AASDH: variants seen among roughly 807,000 people sequenced by gnomAD.
The protein encoded by AASDH is beta-alanine-activating enzyme.
Under a neutral mutation model 102.3 loss-of-function variants are expected in AASDH, and 81 were observed. The observed-to-expected ratio is 0.79, with a 90% CI of 0.66 to 0.95. The LOEUF is 0.95. AASDH is among the 40% of genes least tolerant of loss of function. The pLI, the probability that AASDH is intolerant of heterozygous loss-of-function variation, is 0.00. For synonymous variants in AASDH, 398 were observed against 454.0 expected, an observed-to-expected ratio of 0.88 and a Z score of 1.57; for missense variants, 1,203 against 1,266.2, an observed-to-expected ratio of 0.95 and a Z score of 0.76.
At chr4:56,343,070 C>T in intron 13 of AASDH, 104 bp from the exon 14 acceptor site, 1 of 1,165,436 alleles carries the variant, frequency 8.6e-7, no homozygotes, top group Non-Finnish European at 1.1e-6. Context: ...ACTAAAATAG[C>T]AGAAAATGCT....
At position 56,338,678 on chromosome 4, in the gene AASDH, T is replaced by G. The variant is rs372355217; in HGVS notation, c.3021A>C (p.Lys1007Asn). 6.2e-7 allele frequency: 1 copy of G among 1,614,240 alleles called. No individual in the cohort carries two copies. Among genetic ancestry groups the G allele is most frequent in the Non-Finnish European group, 8.5e-7 (1 of 1,180,040 alleles). The part of the protein sequence containing the change: ...HDCFIYCCNM[K>N]GHLQWKFETT... The stretch of plus-strand genomic sequence containing the variant: ...TTTCAAATTTCCACTGCAGGTGACC[T>G]TTCATGTTACAACAGTAGATAAAGC... Residue 1007 changes from lysine to asparagine, a missense_variant, in exon 15 of 15, where the codon AAA (lysine) becomes AAC (asparagine). Lys to Asn is a moderately conservative substitution (Grantham distance 94, BLOSUM62 0). Coordinates refer to ENST00000205214, the MANE Select transcript of AASDH (RefSeq NM_181806.4).
Position 56,338,751 on chromosome 4 carries a change from G to C in AASDH, c.2948C>G (p.Pro983Arg), listed in dbSNP as rs746925401. Residue 983 changes from proline to arginine, a missense_variant, in exon 15 of 15, where the codon CCG becomes CGG. By Grantham distance (103) the Pro-to-Arg change is moderately radical. Coordinates refer to ENST00000205214, the MANE Select transcript of AASDH (RefSeq NM_181806.4). ...FSTSGPIFSS[P>R]CTSPSEQKIF... ...TTTTTGCTCTGATGGTGAGGTACAC[G>C]GGGATGAAAAGATTGGTCCACTGGT... 1.2e-6 allele frequency: 2 copies of C among 1,613,994 alleles called. No individual in the cohort carries two copies. The highest frequency in any genetic ancestry group is 3.3e-5 in the Admixed American group (2 of 60,004).
At chr4:56,354,679 T>C in intron 7 of AASDH, 26 bp downstream of exon 7, 1 of 1,520,032 alleles carries the variant, frequency 6.6e-7, no homozygotes, top group Non-Finnish European at 8.9e-7. Flanking sequence ...GAAAAAAAAA[T>C]TCCCAATCAA....
In AASDH at chr4:56,349,379, G is replaced by C. The variant is rs1282708808; in HGVS notation, c.2372C>G (p.Ser791Cys). The change falls in exon 11 of 15, where the codon TCT becomes TGT. Residue 791 changes from serine to cysteine, a missense_variant. Coordinates refer to ENST00000205214, the MANE Select transcript of AASDH (RefSeq NM_181806.4). ...SSTTVYIGSH[S>C]HRMKAVDFYS... Reference sequence around the variant, plus strand: ...AAAGTCAACTGCCTTCATTCTATGAGAATGGGAACCAATGTACACAGTTGT... The same window carrying C: ...AAAGTCAACTGCCTTCATTCTATGACAATGGGAACCAATGTACACAGTTGT... 6.2e-7 allele frequency: 1 copy of C among 1,613,966 alleles called. No homozygotes were observed. The highest frequency in any genetic ancestry group is 2.2e-5 in the East Asian group (1 of 44,886).
At chr4:56,347,341 G>A (rs765028745) in intron 11 of AASDH, among the ~76,000 whole-genome samples, 2 of 152,156 alleles carry the variant, frequency 1.3e-5, no homozygotes, top group Non-Finnish European at 2.9e-5. Context: ...AAGAAGGGAA[G>A]AATCACATTC....
At chr4:56,340,742 T>A (rs1361443347) in intron 14 of AASDH, among the ~76,000 whole-genome samples, 1 of 152,208 alleles carries the variant, frequency 6.6e-6, no homozygotes, top group Non-Finnish European at 1.5e-5. Flanking sequence ...AGAGACAGCC[T>A]GTTGAATGGG....
intron 4 of AASDH, among the ~76,000 whole-genome samples, chr4:56,373,045 C>T (rs573264738): frequency 2.6e-5 from 4 of 152,262 alleles, no homozygotes; most frequent in East Asian, 1.9e-4. Context: ...TGGAATGAGT[C>T]TTATGTTCTA....
At chr4:56,380,815 G>C (rs1279334945) in intron 3 of AASDH, among the ~76,000 whole-genome samples, 8 of 152,080 alleles carry the variant, frequency 5.3e-5, no homozygotes, top group Non-Finnish European at 8.8e-5. Flanking sequence ...CAGTATCGCT[G>C]GCCTCTACCC....
intron 5 of AASDH, among the ~76,000 whole-genome samples, chr4:56,362,805 G>A (rs7656361): frequency 0.32 from 48,030 of 152,012 alleles, 8,954 homozygotes; most frequent in Non-Finnish European, 0.43. Context: ...AGCTCCCAGC[G>A]TGAGCGACGC....
chr4:56,372,903 G>A (rs1751916079), intron 4 of AASDH, among the ~76,000 whole-genome samples: 1 of 152,226 alleles, frequency 6.6e-6, no homozygotes, highest in Admixed American at 6.5e-5. Flanking sequence ...GGACAGCTGT[G>A]TAGAAATGTG....
At chr4:56,371,689 T>C in intron 4 of AASDH, 46 bp from the exon 5 acceptor site, 1 of 1,505,140 alleles carries the variant, frequency 6.6e-7, no homozygotes, top group Non-Finnish European at 9.0e-7. Context: ...AAACATTCAG[T>C]AAGCACATAT....
chr4:56,373,017 AT>A (rs2109976703), intron 4 of AASDH, among the ~76,000 whole-genome samples: 2 of 152,340 alleles, frequency 1.3e-5, no homozygotes, highest in East Asian at 3.9e-4. Flanking sequence ...CCTCCCACGT[AT>A]AGGGCAGGAC....
intron 5 of AASDH, among the ~76,000 whole-genome samples, chr4:56,370,656 C>T (rs1751582556): frequency 6.6e-6 from 1 of 152,110 alleles, no homozygotes; most frequent in African/African-American, 2.4e-5. Flanking sequence ...TTCCCACCTC[C>T]AGAACTATAA....
chr4:56,382,303 A>C (rs1323989397), intron 3 of AASDH, 174 bp downstream of exon 3: 1 of 593,590 alleles, frequency 1.7e-6, no homozygotes, highest in Admixed American at 3.7e-5. Flanking sequence ...AATATCCTAT[A>C]ATATACGGAA....
At chr4:56,357,617 T>A (rs1402589859) in intron 5 of AASDH, among the ~76,000 whole-genome samples, 2 of 150,054 alleles carry the variant, frequency 1.3e-5, no homozygotes, top group Admixed American at 1.3e-4. Context: ...TCTTGTATAA[T>A]TCCATTAATA....
chr4:56,342,384 TG>T (rs1317322822), intron 14 of AASDH, among the ~76,000 whole-genome samples: 1 of 152,130 alleles, frequency 6.6e-6, no homozygotes, highest in African/African-American at 2.4e-5. Context: ...AGTCTATGAT[TG>T]TAACAAAATA....
intron 1 of AASDH, among the ~76,000 whole-genome samples, chr4:56,386,669 T>C (rs2110023092): frequency 6.7e-6 from 1 of 149,646 alleles, no homozygotes; most frequent in Middle Eastern, 3.4e-3. Flanking sequence ...GGCGGGCGCC[T>C]GTAGTCCCAG....
intron 9 of AASDH, 55 bp from the exon 10 acceptor site, chr4:56,351,512 A>C: frequency 1.0e-6 from 1 of 986,014 alleles, no homozygotes; most frequent in Non-Finnish European, 1.5e-6. Context: ...ATTTCACTCA[A>C]AGCCTTTATA....
At chr4:56,357,536 G>C (rs973368231) in intron 5 of AASDH, among the ~76,000 whole-genome samples, 3 of 151,740 alleles carry the variant, frequency 2.0e-5, no homozygotes, top group African/African-American at 7.3e-5. Flanking sequence ...ACCACTGTTA[G>C]TCTCCTCTCC....
Sources: allele counts gnomAD v4.1 joint callset (sites outside exome capture counted in the v4.1 genomes callset), GRCh38; gene constraint gnomAD v4.1.1; transcripts MANE v1.5; gene names NCBI Gene and HGNC (gene_info 2026-07-23, HGNC 2026-07-21).